TXLNB: variants seen among roughly 807,000 people sequenced by gnomAD.
TXLNB encodes the protein beta-taxilin.
TXLNB carries 37 observed loss-of-function variants against 57.4 expected under a neutral mutation model. The ratio of observed to expected loss-of-function variants is 0.64; its 90% CI spans 0.50 to 0.85. The LOEUF is 0.85. Ranked by LOEUF, TXLNB falls within the 40% of genes least tolerant of loss-of-function variation. The pLI, the probability that TXLNB is intolerant of heterozygous loss-of-function variation, is 0.00. For synonymous variants in TXLNB, 302 were observed against 309.6 expected, an observed-to-expected ratio of 0.98 and a Z score of 0.26; for missense variants, 848 against 825.6, an observed-to-expected ratio of 1.03 and a Z score of -0.33.
intron 2 of TXLNB, 34 bp downstream of exon 2, chr6:139,288,442 C>T (rs777146521): frequency 1.9e-6 from 3 of 1,593,938 alleles, no homozygotes; most frequent in Admixed American, 1.7e-5. Flanking sequence ...GAATACCATA[C>T]AGAAAAGTCA....
chr6:139,216,978 CAT>C, the TXLNB span, among the ~76,000 whole-genome samples: 1 of 152,068 alleles, frequency 6.6e-6, no homozygotes, highest in Non-Finnish European at 1.5e-5. Context: ...AACTTATCCA[CAT>C]AACAAAAAAC....
chr6:139,269,662 C>T (rs942657137), intron 4 of TXLNB, among the ~76,000 whole-genome samples: 12 of 152,158 alleles, frequency 7.9e-5, no homozygotes, highest in Non-Finnish European at 1.3e-4. Flanking sequence ...TCCTTTTAAA[C>T]GCTTATAATA....
At chr6:139,204,535 C>T in the TXLNB span, among the ~76,000 whole-genome samples, 1 of 152,156 alleles carries the variant, frequency 6.6e-6, no homozygotes, top group African/African-American at 2.4e-5. Context: ...AAGCTCCCAA[C>T]TGAATTTTGT....
At chr6:139,185,987 G>C in the TXLNB span, among the ~76,000 whole-genome samples, 1 of 152,140 alleles carries the variant, frequency 6.6e-6, no homozygotes, top group African/African-American at 2.4e-5. Flanking sequence ...AATCAAAAAA[G>C]AAGTTAGTTG....
intron 4 of TXLNB, among the ~76,000 whole-genome samples, chr6:139,264,797 T>G (rs1185853909): frequency 6.6e-6 from 1 of 152,118 alleles, no homozygotes; most frequent in Non-Finnish European, 1.5e-5. Context: ...AGACCTCAGA[T>G]GATCTGCCCA....
intron 2 of TXLNB, among the ~76,000 whole-genome samples, chr6:139,279,404 T>C (rs1381178265): frequency 6.6e-6 from 1 of 152,216 alleles, no homozygotes; most frequent in African/African-American, 2.4e-5. Flanking sequence ...CTTCAAAAAT[T>C]ATTCTTCCCT....
chr6:139,223,439 T>C, the TXLNB span, among the ~76,000 whole-genome samples: 7 of 151,688 alleles, frequency 4.6e-5, no homozygotes, highest in Admixed American at 4.0e-4. Context: ...ATGAATGAAA[T>C]AGAAAACAAA....
chr6:139,293,946 A>G (rs910608803), upstream of TXLNB, among the ~76,000 whole-genome samples: 1 of 152,218 alleles, frequency 6.6e-6, no homozygotes, highest in South Asian at 2.1e-4. Context: ...ACCCGATCAC[A>G]TCTCTTAGTA....
At chr6:139,185,517 C>T in the TXLNB span, among the ~76,000 whole-genome samples, 6 of 152,140 alleles carry the variant, frequency 3.9e-5, no homozygotes, top group East Asian at 7.8e-4. Flanking sequence ...CTGGCTAACA[C>T]GGTGAAACCC....
chr6:139,202,379 T>A, the TXLNB span, among the ~76,000 whole-genome samples: 1 of 152,228 alleles, frequency 6.6e-6, no homozygotes, highest in African/African-American at 2.4e-5. Context: ...ATTTTGGTTG[T>A]GTAATGGGAC....
the TXLNB span, among the ~76,000 whole-genome samples, chr6:139,224,743 CA>C: frequency 6.6e-6 from 1 of 151,772 alleles, no homozygotes; most frequent in Non-Finnish European, 1.5e-5. Flanking sequence ...ATCCTTTCCA[CA>C]AAAAACTCCA....
At chr6:139,271,665 T>C (rs1776767075) in intron 3 of TXLNB, 1 of 152,176 alleles carries the variant, frequency 6.6e-6, no homozygotes. Context: ...GCAGCATTAT[T>C]ATGGAGTTGT....
intron 3 of TXLNB, among the ~76,000 whole-genome samples, chr6:139,272,989 G>T (rs1461726542): frequency 2.0e-5 from 3 of 152,002 alleles, no homozygotes; most frequent in African/African-American, 7.2e-5. Context: ...AGTTGAGATC[G>T]TGCCATTGCA....
chr6:139,242,849 T>A lies in TXLNB; in HGVS notation c.1732A>T (p.Ser578Cys). 1.2e-6 allele frequency: 2 copies of A among 1,614,116 alleles called. No homozygotes were observed. The highest frequency in any genetic ancestry group is 2.2e-5 in the South Asian group (2 of 91,074). ...GCTCCCAACCCGGCAGGAGAATTAC[T>A]GGCCTTGGAGGGAGGTTCAGCATCA... ...GSDAEPPSKASNSPAGLGAET... is the reference protein window; with the variant it reads ...GSDAEPPSKACNSPAGLGAET... Residue 578 changes from serine to cysteine, a missense_variant, in exon 10 of 10, where the codon AGT becomes TGT. Coordinates refer to ENST00000358430, the MANE Select transcript of TXLNB (RefSeq NM_153235.4).
At chr6:139,260,567 T>TG in intron 5 of TXLNB, 130 bp from the exon 6 acceptor site, 1 of 974,246 alleles carries the variant, frequency 1.0e-6, no homozygotes, top group Non-Finnish European at 1.5e-6. Flanking sequence ...ATAAATGCAT[T>TG]GGCATCACTT....
chr6:139,305,648 G>A, the TXLNB span, among the ~76,000 whole-genome samples: 8 of 152,156 alleles, frequency 5.3e-5, no homozygotes, highest in Non-Finnish European at 1.2e-4. Flanking sequence ...GATCATCCTG[G>A]ACAGTAGCTG....
At chr6:139,321,534 G>C in the TXLNB span, among the ~76,000 whole-genome samples, 1 of 147,152 alleles carries the variant, frequency 6.8e-6, no homozygotes, top group African/African-American at 2.5e-5. Context: ...GGCTATGACT[G>C]AGCTCTCCTT....
At chr6:139,228,239 G>C in the TXLNB span, among the ~76,000 whole-genome samples, 35 of 152,108 alleles carry the variant, frequency 2.3e-4, no homozygotes, top group African/African-American at 8.2e-4. Flanking sequence ...AACTAGGCTG[G>C]GCGCAGTGGC....
the TXLNB span, among the ~76,000 whole-genome samples, chr6:139,318,531 C>G: frequency 6.6e-6 from 1 of 151,886 alleles, no homozygotes; most frequent in African/African-American, 2.4e-5. Context: ...AAAACCCAAG[C>G]ACATCAAGGT....
Sources: gnomAD v4.1 joint callset for allele counts (sites outside exome capture counted in the v4.1 genomes callset) on GRCh38, gnomAD v4.1.1 for gene constraint, MANE v1.5 for transcripts, NCBI Gene and HGNC (gene_info 2026-07-23, HGNC 2026-07-21) for gene names.